Variants in CRK observed in about 807,000 individuals in gnomAD.
CRK encodes the protein CRK proto-oncogene, adaptor protein.
CRK carries 4 observed loss-of-function variants against 29.8 expected under a neutral mutation model. That is an observed-to-expected ratio of 0.13 (90% CI 0.07 to 0.31). The LOEUF (loss-of-function observed/expected upper bound fraction) is 0.31. Ranked by LOEUF, CRK falls within the 10% of genes least tolerant of loss-of-function variation. The pLI is 1.00. For synonymous variants in CRK, 153 were observed against 164.9 expected, an observed-to-expected ratio of 0.93 and a Z score of 0.55; for missense variants, 274 against 396.5, an observed-to-expected ratio of 0.69 and a Z score of 2.62.
At position 1,455,949 on chromosome 17, in the gene CRK, C is replaced by T. The variant is rs1008110814; in HGVS notation, c.169G>A (p.Val57Ile). The change falls in exon 1 of 3, where the codon GTC (valine) becomes ATC (isoleucine). Residue 57 changes from valine to isoleucine, a missense_variant. Val to Ile is a conservative substitution (Grantham distance 29). Around this residue, in one of 3 missense-constraint regions of CRK, gnomAD observed 135 missense variants for 180.9 expected, o/e 0.75. Coordinates refer to ENST00000300574, the MANE Select transcript of CRK (RefSeq NM_016823.4). ...CTGCTGTTGATGATGTAGTGGGAGA[C>T]GCGCGAGTTCTCTGAGACGCTGAGC... ...YVLSVSENSRVSHYIINSSGP... is the reference protein window; with the variant it reads ...YVLSVSENSRISHYIINSSGP... 2 of 1,601,970 alleles carry T rather than the reference C, an allele frequency of 1.2e-6. No individual in the cohort carries two copies. The highest frequency in any genetic ancestry group is 2.7e-5 in the African/African-American group (2 of 72,972).
At chr17:1,455,183 C>A (rs2074046339) in intron 1 of CRK, among the ~76,000 whole-genome samples, 1 of 152,216 alleles carries the variant, frequency 6.6e-6, no homozygotes, top group Non-Finnish European at 1.5e-5. Context: ...CTTCTGGACG[C>A]TTAGATCTCT....
At chr17:1,442,158 G>GTT (rs56392950) in intron 1 of CRK, among the ~76,000 whole-genome samples, 6 of 142,566 alleles carry the variant, frequency 4.2e-5, no homozygotes, top group Admixed American at 1.4e-4. Context: ...CGCCCGGCCT[G>GTT]TTTTTTTTTT....
intron 2 of CRK, among the ~76,000 whole-genome samples, chr17:1,435,194 G>A (rs1232069650): frequency 6.6e-6 from 1 of 151,956 alleles, no homozygotes; most frequent in East Asian, 1.9e-4. Flanking sequence ...CAAGTAGCTG[G>A]GACCACAGGC....
chr17:1,428,248 A>G (rs187077859), intron 2 of CRK, among the ~76,000 whole-genome samples: 27 of 149,968 alleles, frequency 1.8e-4, no homozygotes, highest in Non-Finnish European at 3.7e-4. Flanking sequence ...CCTCCAGAGT[A>G]GCTGGGACTA....
intron 2 of CRK, among the ~76,000 whole-genome samples, 172 bp from the exon 3 acceptor site, chr17:1,423,822 T>C (rs754636667): frequency 3.9e-5 from 6 of 152,168 alleles, no homozygotes; most frequent in African/African-American, 7.2e-5. Flanking sequence ...TTGTGGTTAA[T>C]GCAGGCAGAA....
chr17:1,443,511 T>A (rs534759138), intron 1 of CRK, among the ~76,000 whole-genome samples: 1 of 152,242 alleles, frequency 6.6e-6, no homozygotes, highest in African/African-American at 2.4e-5. Flanking sequence ...TTCTCCTGCC[T>A]CAGCCTCCCA....
intron 1 of CRK, among the ~76,000 whole-genome samples, chr17:1,450,028 C>T (rs936682128): frequency 6.6e-6 from 1 of 151,588 alleles, no homozygotes; most frequent in African/African-American, 2.4e-5. Flanking sequence ...GTGAAACCCC[C>T]ATCTCTACTA....
chr17:1,453,866 C>A (rs7502409), intron 1 of CRK, among the ~76,000 whole-genome samples: 8 of 151,692 alleles, frequency 5.3e-5, no homozygotes, highest in Non-Finnish European at 1.2e-4. Flanking sequence ...TGAGATTGCA[C>A]CATCGCACTC....
At chr17:1,454,152 A>C (rs551654237) in intron 1 of CRK, among the ~76,000 whole-genome samples, 35 of 152,264 alleles carry the variant, frequency 2.3e-4, no homozygotes, top group African/African-American at 7.9e-4. Flanking sequence ...CAGTGAGCCA[A>C]GATCGCGCCA....
At chr17:1,426,286 C>T (rs577964307) in intron 2 of CRK, 5 of 152,362 alleles carry the variant, frequency 3.3e-5, no homozygotes, top group African/African-American at 7.2e-5. Context: ...CAGCCTGTGT[C>T]GTGACGATGC....
At chr17:1,453,558 G>C (rs978426802) in intron 1 of CRK, among the ~76,000 whole-genome samples, 1 of 152,172 alleles carries the variant, frequency 6.6e-6, no homozygotes, top group East Asian at 1.9e-4. Context: ...AGGCCACAAT[G>C]AGAAAGATCT....
chr17:1,452,080 C>G (rs2074022666), intron 1 of CRK, among the ~76,000 whole-genome samples: 1 of 152,152 alleles, frequency 6.6e-6, no homozygotes, highest in Admixed American at 6.6e-5. Context: ...ATGTGCACTG[C>G]TGAGATGCCA....
At chr17:1,425,942 C>G (rs1041398874) in intron 2 of CRK, among the ~76,000 whole-genome samples, 1 of 152,178 alleles carries the variant, frequency 6.6e-6, no homozygotes, top group Non-Finnish European at 1.5e-5. Context: ...GTAATCCCAG[C>G]ACTTTGGGAA....
chr17:1,430,189 C>T (rs551658539), intron 2 of CRK, among the ~76,000 whole-genome samples: 6 of 149,648 alleles, frequency 4.0e-5, no homozygotes, highest in East Asian at 2.0e-4. Flanking sequence ...GGATTACAGG[C>T]GTGTGCCCCC....
At chr17:1,423,885 G>A (rs1051588072) in intron 2 of CRK, among the ~76,000 whole-genome samples, 10 of 152,140 alleles carry the variant, frequency 6.6e-5, no homozygotes, top group Non-Finnish European at 1.3e-4. Context: ...AAGTAAAAGG[G>A]ATTCCAGATA....
intron 2 of CRK, among the ~76,000 whole-genome samples, chr17:1,430,984 C>T (rs947934168): frequency 2.6e-5 from 4 of 152,060 alleles, no homozygotes; most frequent in Admixed American, 2.0e-4. Flanking sequence ...AGGAGAATAG[C>T]GTGAACCCTG....
At chr17:1,453,192 AC>A (rs1196577932) in intron 1 of CRK, among the ~76,000 whole-genome samples, 2 of 152,198 alleles carry the variant, frequency 1.3e-5, no homozygotes, top group African/African-American at 4.8e-5. Flanking sequence ...AATTTTCCAC[AC>A]CCCATCCATA....
At chr17:1,437,232 T>C in intron 1 of CRK, 77 bp from the exon 2 acceptor site, 1 of 1,451,164 alleles carries the variant, frequency 6.9e-7, no homozygotes. Context: ...TTTTATTTTT[T>C]TTAGAGTTGG....
rs762741424 is a variant in CRK at position 1,451,120 on chromosome 17, G to A, written c.241+4757C>T. On this transcript the variant is annotated intron_variant, in intron 1 of 2. Coordinates refer to ENST00000300574, the MANE Select transcript of CRK (RefSeq NM_016823.4). Reference sequence around the variant, plus strand: ...GGTAGGAGAATGGCATGAACCCCACGGGGCGGAGCTTGCAGTGAGCCGAGG... The same window carrying A: ...GGTAGGAGAATGGCATGAACCCCACAGGGCGGAGCTTGCAGTGAGCCGAGG... Among the ~76,000 whole-genome samples, 12 of 148,658 alleles carry A rather than the reference G, an allele frequency of 8.1e-5. No homozygotes were observed. The South Asian group carries it at 8.7e-4, about 11-fold the overall frequency.
Sources: allele counts gnomAD v4.1 joint callset (sites outside exome capture counted in the v4.1 genomes callset), GRCh38; gene constraint gnomAD v4.1.1; regional missense constraint gnomAD v4.1.1; transcripts MANE v1.5; gene names NCBI Gene and HGNC (gene_info 2026-07-23, HGNC 2026-07-21).